DRAM1: variants seen among roughly 807,000 people sequenced by gnomAD.
DRAM1 encodes DNA damage-regulated autophagy modulator protein 1.
Under a neutral mutation model 28.5 loss-of-function variants are expected in DRAM1, and 25 were observed. The ratio of observed to expected loss-of-function variants is 0.88; its 90% CI spans 0.64 to 1.23. DRAM1 has a LOEUF of 1.23. DRAM1 is among the 50% of genes most tolerant of loss of function. DRAM1 has a pLI of 0.00. For synonymous variants in DRAM1, 113 were observed against 114.2 expected (o/e 0.99, Z 0.07); for missense variants, 249 against 299.2 (o/e 0.83, Z 1.24).
At chr12:101,894,412 C>T (rs953565039) in intron 1 of DRAM1, among the ~76,000 whole-genome samples, 5 of 152,110 alleles carry the variant, frequency 3.3e-5, no homozygotes, top group African/African-American at 4.8e-5. Flanking sequence ...CTACCACACC[C>T]GGCCAATTTT....
intron 3 of DRAM1, among the ~76,000 whole-genome samples, chr12:101,905,017 G>A (rs1488425590): frequency 1.3e-5 from 2 of 152,214 alleles, no homozygotes; most frequent in African/African-American, 4.8e-5. Flanking sequence ...TCCTGTCTCA[G>A]TCTCTTGAGT....
chr12:101,877,737 C>A lies in DRAM1; in HGVS notation c.-53C>A. 1 of 1,355,494 alleles carries A rather than the reference C, an allele frequency of 7.4e-7. No homozygotes were observed. Among genetic ancestry groups the A allele is most frequent in the Non-Finnish European group, 9.5e-7 (1 of 1,049,808 alleles). The allele number at this position is 1,355,494 out of a possible 1,614,324, so 84.0% of individuals were successfully genotyped here. On this transcript the variant is annotated 5_prime_UTR_variant, in exon 1 of 7. Coordinates refer to ENST00000258534, the MANE Select transcript of DRAM1 (RefSeq NM_018370.3). The surrounding 1 kb of genome is among the most constrained non-coding windows in gnomAD (Gnocchi z 4.1). ...CCGCCTCCAGGCAGCCCGGAGCAAC[C>A]CGGCGCCCGGCCCCGCTGGGCGCAG...
chr12:101,908,201 G>C lies in DRAM1; in HGVS notation c.358G>C (p.Val120Leu). Residue 120 changes from valine to leucine, a missense_variant, in exon 4 of 7, where the codon GTG (valine) becomes CTG (leucine). By Grantham distance (32) the Val-to-Leu change is conservative (BLOSUM62 1). This residue lies in a region of DRAM1 where 218 missense variants were observed against 243.1 expected (regional missense o/e 0.90). Transcript: ENST00000258534. ...TTTTCTCCAGGAGTTAGCTGTGCCA[G>C]TGGTTCATGACGGGGGCGCTCTTTT... ...VANFQELAVPVVHDGGALLAF... is the reference protein window; with the variant it reads ...VANFQELAVPLVHDGGALLAF... 6.2e-7 allele frequency: 1 copy of C among 1,609,586 alleles called. No homozygotes were observed. Among genetic ancestry groups the C allele is most frequent in the Non-Finnish European group, 8.5e-7 (1 of 1,178,646 alleles).
At position 101,920,079 on chromosome 12, in the gene DRAM1, C is replaced by G. The variant is rs758998422; in HGVS notation, c.580-30C>G. On this transcript the variant is annotated intron_variant, in intron 5 of 6. Coordinates refer to ENST00000258534, the MANE Select transcript of DRAM1 (RefSeq NM_018370.3). ...GTACATTAAAGTGAGTCTTTTTCGG[C>G]TAAATTCTGTTTCTTTATTATTGCA... The G allele has an allele frequency of 2.6e-6, 4 of 1,510,472 alleles. No individual in the cohort carries two copies. The African/African-American group carries it at 5.6e-5, about 21-fold the overall frequency. The allele number at this position is 1,510,472 out of a possible 1,614,324, so 93.6% of individuals were successfully genotyped here.
chr12:101,890,404 A>T lies in DRAM1; in HGVS notation c.132-7459A>T, dbSNP rs74554357. On this transcript the variant is annotated intron_variant, in intron 1 of 6. Transcript: ENST00000258534. ...CCTATTTTTTTTGGTCCTTGTAGCC[A>T]CTGGAGTCCATGTGGGGATGGTTTC... 0.019 allele frequency among the ~76,000 whole-genome samples: 2,886 copies of T among 152,108 alleles called. 221 individuals are homozygous for T. The East Asian group carries it at 0.23, about 12-fold the overall frequency.
chr12:101,901,628 G>A (rs1873608570), intron 3 of DRAM1, 195 bp downstream of exon 3: 1 of 589,118 alleles, frequency 1.7e-6, no homozygotes, highest in East Asian at 3.0e-5. Flanking sequence ...GCTCACACCT[G>A]TAATCCCAGC....
At chr12:101,913,699 A>C in intron 4 of DRAM1, among the ~76,000 whole-genome samples, 1 of 132,016 alleles carries the variant, frequency 7.6e-6, no homozygotes, top group Non-Finnish European at 1.6e-5. Context: ...GAGCGAGAGT[A>C]CGTCTCAAAA....
intron 5 of DRAM1, among the ~76,000 whole-genome samples, chr12:101,919,288 A>G (rs11832753): frequency 2.4e-4 from 33 of 136,466 alleles, no homozygotes; most frequent in South Asian, 2.0e-3. Context: ...ACACACGCAC[A>G]CACACACACA....
intron 3 of DRAM1, among the ~76,000 whole-genome samples, chr12:101,902,445 A>T (rs1255037311): frequency 6.6e-6 from 1 of 152,200 alleles, no homozygotes; most frequent in Non-Finnish European, 1.5e-5. Context: ...TGACAAAAAA[A>T]CCAAGTACAC....
intron 4 of DRAM1, among the ~76,000 whole-genome samples, chr12:101,909,255 C>G (rs373544957): frequency 9.3e-5 from 11 of 118,124 alleles, no homozygotes; most frequent in African/African-American, 3.4e-4. Context: ...GAGTGAAACT[C>G]CGTCTCAAAA....
chr12:101,899,681 CAA>C (rs55642593), intron 2 of DRAM1, among the ~76,000 whole-genome samples: 4,551 of 102,778 alleles, frequency 0.044, 138 homozygotes, highest in African/African-American at 0.14. Context: ...CCTGTCTCCA[CAA>C]AAAAAAAAAA....
rs1555280380 is a variant in DRAM1, at chr12:101,877,690, C to T, written c.-100C>T. 4.3e-6 allele frequency: 4 copies of T among 934,676 alleles called. No individual in the cohort carries two copies. Among genetic ancestry groups the T allele is most frequent in the Non-Finnish European group, 5.6e-6 (4 of 718,858 alleles). 57.9% of individuals were successfully genotyped at this position (934,676 alleles called of 1,614,324 possible). A position where few individuals can be genotyped will look rare whatever the true frequency, so the allele number is the denominator to read the frequency against. On this transcript the variant is annotated 5_prime_UTR_variant, in exon 1 of 7. Coordinates refer to ENST00000258534, the MANE Select transcript of DRAM1 (RefSeq NM_018370.3). This position sits in a 1 kb window ranked among gnomAD's most constrained non-coding sequence, Gnocchi z 4.1. ...TCGCGGAGCCTCCCCTCCCACCGTC[C>T]GTGAGTGTACGCGCCCGGCCGCCGC...
chr12:101,890,624 G>C lies in DRAM1; in HGVS notation c.132-7239G>C, dbSNP rs190664102. ...GTATGTGTGAACAAGAGGGAACTCT[G>C]ATGGAGAGAGGGCAAAATTGCTTGT... On this transcript the variant is annotated intron_variant, in intron 1 of 6. Transcript: ENST00000258534. Among the ~76,000 whole-genome samples the C allele has an allele frequency of 4.0e-5, 6 of 151,818 alleles. No homozygotes were observed. In the East Asian group the frequency reaches 1.2e-3, roughly 29 times the overall value.
chr12:101,910,844 C>T (rs1874016778), intron 4 of DRAM1, among the ~76,000 whole-genome samples: 1 of 152,052 alleles, frequency 6.6e-6, no homozygotes, highest in Non-Finnish European at 1.5e-5. Context: ...GGGTTATAAC[C>T]CTATGTCAGA....
chr12:101,908,289 C>T lies in DRAM1; in HGVS notation c.446C>T (p.Pro149Leu). ...LQSIISYKSC[P>L]QWNSLSTCHI... ...TCCATCATCTCTTACAAATCATGTCCCCAGTGGAACAGTCTCTCGACATGC... is the reference window on the plus strand; with the variant it reads ...TCCATCATCTCTTACAAATCATGTCTCCAGTGGAACAGTCTCTCGACATGC... The change falls in exon 4 of 7, where the codon CCC becomes CTC. Residue 149 changes from proline (P) to leucine (L), a missense_variant. By Grantham distance (98) the Pro-to-Leu change is moderately conservative. Around this residue, in one of 3 missense-constraint regions of DRAM1, gnomAD observed 218 missense variants for 243.1 expected, o/e 0.90. Transcript: ENST00000258534. 1 of 1,614,106 alleles carries T rather than the reference C, an allele frequency of 6.2e-7. No individual in the cohort carries two copies. Among genetic ancestry groups the T allele is most frequent in the Non-Finnish European group, 8.5e-7 (1 of 1,180,016 alleles).
intron 1 of DRAM1, among the ~76,000 whole-genome samples, chr12:101,885,525 CTTTTTTTTT>C (rs11342964): frequency 2.1e-5 from 2 of 96,402 alleles, no homozygotes; most frequent in African/African-American, 4.3e-5. Flanking sequence ...TCCCACTGGA[CTTTTTTTTT>C]TTTTTTTTTT....
intron 4 of DRAM1, among the ~76,000 whole-genome samples, chr12:101,910,650 A>C (rs895190059): frequency 1.3e-5 from 2 of 151,580 alleles, no homozygotes; most frequent in African/African-American, 2.4e-5. Context: ...GCTACTTTTC[A>C]TATTTTTAGT....
intron 3 of DRAM1, 97 bp from the exon 4 acceptor site, chr12:101,908,089 A>G: frequency 1.9e-6 from 2 of 1,032,054 alleles, no homozygotes; most frequent in East Asian, 2.5e-5. Flanking sequence ...TGCATCTGTG[A>G]TGACCAATGG....
chr12:101,886,338 C>G (rs1005846625), intron 1 of DRAM1, among the ~76,000 whole-genome samples: 2 of 152,204 alleles, frequency 1.3e-5, no homozygotes, highest in Non-Finnish European at 2.9e-5. Flanking sequence ...TGACTTCTCT[C>G]TGCTTCTCTA....
Sources: gnomAD v4.1 joint callset for allele counts (sites outside exome capture counted in the v4.1 genomes callset) on GRCh38, gnomAD v4.1.1 for gene constraint, gnomAD v4.1.1 regional missense constraint, Gnocchi (gnomAD v3.1) non-coding constraint, MANE v1.5 for transcripts, NCBI Gene and HGNC (gene_info 2026-07-23, HGNC 2026-07-21) for gene names.